FOXP2: variants seen among roughly 807,000 people sequenced by gnomAD.
FOXP2 encodes the protein forkhead box P2.
Under a neutral mutation model 115.8 loss-of-function variants are expected in FOXP2, and 12 were observed. The observed-to-expected ratio is 0.10, with a 90% CI of 0.07 to 0.17. The LOEUF (loss-of-function observed/expected upper bound fraction) is 0.17. FOXP2 is among the 10% of genes least tolerant of loss of function. The pLI, the probability that FOXP2 is intolerant of heterozygous loss-of-function variation, is 1.00. For synonymous variants in FOXP2, 328 were observed against 297.7 expected (o/e 1.10, Z -1.05); for missense variants, 629 against 843.5 (o/e 0.75, Z 3.15).
intron 2 of FOXP2, among the ~76,000 whole-genome samples, chr7:114,354,240 G>T (rs182915519): frequency 6.6e-6 from 1 of 152,112 alleles, no homozygotes; most frequent in Non-Finnish European, 1.5e-5. Flanking sequence ...TCCCTTCTGG[G>T]TTAGCAGGCA....
upstream of FOXP2, chr7:114,414,341 C>G (rs1265731428): frequency 6.6e-6 from 1 of 152,282 alleles, no homozygotes. Flanking sequence ...TTCTTCTCTG[C>G]TAGTTGATTC....
intron 2 of FOXP2, 145 bp downstream of exon 2, chr7:114,426,824 A>T: frequency 1.1e-6 from 1 of 893,814 alleles, no homozygotes; most frequent in South Asian, 1.5e-5. Flanking sequence ...TGATTGAAGG[A>T]TGAGTAAAGA....
At chr7:114,481,345 G>T (rs926577477) in intron 2 of FOXP2, among the ~76,000 whole-genome samples, 1 of 151,070 alleles carries the variant, frequency 6.6e-6, no homozygotes, top group African/African-American at 2.4e-5. Context: ...TTTTTCAAAA[G>T]CTCAAAGTAC....
At chr7:114,337,806 A>G (rs912626442) in intron 2 of FOXP2, among the ~76,000 whole-genome samples, 5 of 151,226 alleles carry the variant, frequency 3.3e-5, no homozygotes, top group Non-Finnish European at 7.4e-5. Flanking sequence ...ACCCCAATCT[A>G]TTCTGCCAGC....
At chr7:114,239,043 C>T (rs938087488) in intron 1 of FOXP2, among the ~76,000 whole-genome samples, 1 of 151,442 alleles carries the variant, frequency 6.6e-6, no homozygotes, top group East Asian at 1.9e-4. Context: ...TCAGTTATAG[C>T]TTTACAAACT....
At chr7:114,523,104 T>A (rs1798700580) in intron 2 of FOXP2, among the ~76,000 whole-genome samples, 1 of 152,178 alleles carries the variant, frequency 6.6e-6, no homozygotes, top group Non-Finnish European at 1.5e-5. Context: ...CTAACATTTC[T>A]TATCTTCAAT....
intron 2 of FOXP2, among the ~76,000 whole-genome samples, chr7:114,399,966 C>T (rs370685720): frequency 2.7e-5 from 4 of 149,588 alleles, no homozygotes; most frequent in Non-Finnish European, 5.9e-5. Flanking sequence ...AAGCGATTCT[C>T]CTGCCTCAGC....
intron 1 of FOXP2, among the ~76,000 whole-genome samples, chr7:114,088,732 T>G (rs1034610045): frequency 2.6e-5 from 4 of 152,254 alleles, no homozygotes; most frequent in Admixed American, 1.3e-4. Context: ...GGGGACTGTT[T>G]ATCTTTTCTG....
chr7:114,395,790 A>T (rs1022269926), intron 2 of FOXP2, among the ~76,000 whole-genome samples: 4 of 152,036 alleles, frequency 2.6e-5, no homozygotes, highest in Non-Finnish European at 4.4e-5. Context: ...ATGTTGTTGC[A>T]AATGACAGGA....
intron 2 of FOXP2, among the ~76,000 whole-genome samples, chr7:114,394,220 C>A (rs966377044): frequency 1.3e-5 from 2 of 151,942 alleles, no homozygotes; most frequent in African/African-American, 2.4e-5. Context: ...TAAGGAAACA[C>A]TTAAGGAATG....
intron 1 of FOXP2, among the ~76,000 whole-genome samples, chr7:114,424,717 G>A (rs762109292): frequency 2.1e-4 from 32 of 151,442 alleles, no homozygotes; most frequent in African/African-American, 7.7e-4. Flanking sequence ...TCAATAAGAT[G>A]TTTAGCAAAA....
chr7:114,088,940 A>G (rs1447623495), intron 1 of FOXP2, among the ~76,000 whole-genome samples: 1 of 152,184 alleles, frequency 6.6e-6, no homozygotes, highest in East Asian at 1.9e-4. Flanking sequence ...TTTTTAACTT[A>G]CAATTTTGAT....
intron 1 of FOXP2, among the ~76,000 whole-genome samples, chr7:114,221,896 C>T (rs1794631924): frequency 1.3e-5 from 2 of 151,842 alleles, no homozygotes; most frequent in Admixed American, 1.3e-4. Context: ...TCTTCATGCT[C>T]TTCTCCTAAG....
At chr7:114,628,856 A>AT (rs1368198003) in intron 4 of FOXP2, 179 bp downstream of exon 4, 1 of 712,540 alleles carries the variant, frequency 1.4e-6, no homozygotes, top group Middle Eastern at 4.1e-4. Flanking sequence ...TAGATTGCTT[A>AT]TTTTTTTAAA....
At chr7:114,188,895 G>T (rs1039612342) in intron 1 of FOXP2, among the ~76,000 whole-genome samples, 4 of 152,108 alleles carry the variant, frequency 2.6e-5, no homozygotes. Flanking sequence ...AAACTCATTT[G>T]TTTATTAATA....
At chr7:114,226,501 T>G (rs1794752747) in intron 1 of FOXP2, among the ~76,000 whole-genome samples, 1 of 152,220 alleles carries the variant, frequency 6.6e-6, no homozygotes, top group Non-Finnish European at 1.5e-5. Context: ...TAGGCTGTTT[T>G]ACCTTTCTCT....
At chr7:114,534,546 A>G in intron 2 of FOXP2, 71 bp from the exon 3 acceptor site, 4 of 1,248,650 alleles carry the variant, frequency 3.2e-6, no homozygotes, top group Non-Finnish European at 4.7e-6. Flanking sequence ...GCCTTTTACT[A>G]TTAACCAAGA....
chr7:114,516,058 A>T (rs1047209159), intron 2 of FOXP2, among the ~76,000 whole-genome samples: 1 of 152,154 alleles, frequency 6.6e-6, no homozygotes, highest in Non-Finnish European at 1.5e-5. Context: ...GGAAAAAACT[A>T]CTTTAAAGTT....
chr7:114,175,030 A>G (rs1393034277), intron 1 of FOXP2, among the ~76,000 whole-genome samples: 1 of 152,118 alleles, frequency 6.6e-6, no homozygotes, highest in Non-Finnish European at 1.5e-5. Flanking sequence ...GACACTAAAG[A>G]GAGGGTTGTA....
Sources: gnomAD v4.1 joint callset for allele counts (sites outside exome capture counted in the v4.1 genomes callset) on GRCh38, gnomAD v4.1.1 for gene constraint, MANE v1.5 for transcripts, NCBI Gene and HGNC (gene_info 2026-07-23, HGNC 2026-07-21) for gene names.